BLTP2: variants seen among roughly 807,000 people sequenced by gnomAD.
The protein encoded by BLTP2 is bridge-like lipid transfer protein family member 2.
chr17:28,640,050 A>G, the BLTP2 span: 1 of 1,610,642 alleles, frequency 6.2e-7, no homozygotes. Flanking sequence ...ATTCCAGCTC[A>G]GGAAGATGTG....
At chr17:28,643,545 T>A in the BLTP2 span, 1 of 1,498,528 alleles carries the variant, frequency 6.7e-7, no homozygotes, top group Non-Finnish European at 9.3e-7. Context: ...CAGAAGAGTG[T>A]CACTCTGCAA....
chr17:28,631,595 C>A, the BLTP2 span: 28 of 1,613,934 alleles, frequency 1.7e-5, no homozygotes, highest in Non-Finnish European at 2.2e-5. Context: ...GTGGGTGAGG[C>A]CATCAGGTGA....
At chr17:28,635,063 C>G in the BLTP2 span, 17 of 1,613,506 alleles carry the variant, frequency 1.1e-5, no homozygotes, top group African/African-American at 1.3e-5. Flanking sequence ...TGAACTCCCA[C>G]AGCCTCATCT....
the BLTP2 span, chr17:28,635,255 C>T: frequency 6.2e-7 from 1 of 1,614,184 alleles, no homozygotes; most frequent in South Asian, 1.1e-5. Context: ...CTATTGCCAT[C>T]AAAGCCAGCA....
the BLTP2 span, chr17:28,621,131 A>ACTTGCTGGG: frequency 9.9e-6 from 16 of 1,614,038 alleles, no homozygotes; most frequent in African/African-American, 1.3e-5. Flanking sequence ...GATCCGCTGG[A>ACTTGCTGGG]CTTGCTGGGC....
the BLTP2 span, chr17:28,637,023 G>A: frequency 1.2e-6 from 2 of 1,614,194 alleles, no homozygotes; most frequent in Non-Finnish European, 1.7e-6. Flanking sequence ...GCTGAGCACT[G>A]GGGTAGGGAT....
At chr17:28,637,163 T>C in the BLTP2 span, 2 of 1,613,896 alleles carry the variant, frequency 1.2e-6, no homozygotes, top group Non-Finnish European at 1.7e-6. Context: ...GTCGTACCTC[T>C]GAAGCACCTA....
At chr17:28,641,004 G>A in the BLTP2 span, among the ~76,000 whole-genome samples, 1 of 152,192 alleles carries the variant, frequency 6.6e-6, no homozygotes, top group East Asian at 1.9e-4. Context: ...AACCTTCCTA[G>A]GCTTCAGTTT....
At chr17:28,621,477 G>A in the BLTP2 span, 29 of 1,613,864 alleles carry the variant, frequency 1.8e-5, no homozygotes, top group African/African-American at 4.0e-5. Context: ...CTACGCTGCC[G>A]GTGCTCCTCG....
At chr17:28,623,683 G>C in the BLTP2 span, 2 of 1,241,072 alleles carry the variant, frequency 1.6e-6, no homozygotes, top group Non-Finnish European at 2.3e-6. Flanking sequence ...GCAGGTTACT[G>C]TCAAGAATCT....
At chr17:28,636,430 T>A in the BLTP2 span, among the ~76,000 whole-genome samples, 1 of 152,232 alleles carries the variant, frequency 6.6e-6, no homozygotes, top group Non-Finnish European at 1.5e-5. Flanking sequence ...TAACACCAGA[T>A]CATTCTTTTT....
the BLTP2 span, chr17:28,643,772 G>T: frequency 9.4e-7 from 1 of 1,066,244 alleles, no homozygotes; most frequent in Non-Finnish European, 1.4e-6. Flanking sequence ...TAGCCATGTT[G>T]CCTTGAATCC....
At chr17:28,642,200 G>A in the BLTP2 span, 1 of 1,582,554 alleles carries the variant, frequency 6.3e-7, no homozygotes, top group East Asian at 2.2e-5. Context: ...AAGAACCTAG[G>A]ATGTAAGCCC....
chr17:28,643,669 T>C, the BLTP2 span: 2 of 1,613,834 alleles, frequency 1.2e-6, no homozygotes, highest in Admixed American at 1.7e-5. Context: ...CCTAAAACAG[T>C]GAGGGAGAAA....
the BLTP2 span, chr17:28,640,484 C>A: frequency 6.7e-7 from 1 of 1,485,072 alleles, no homozygotes; most frequent in African/African-American, 1.4e-5. Flanking sequence ...TCAGCAAATA[C>A]TAGGCTGGTT....
chr17:28,620,491 A>G, the BLTP2 span: 1 of 1,613,720 alleles, frequency 6.2e-7, no homozygotes, highest in Non-Finnish European at 8.5e-7. Flanking sequence ...CCAGCATTCT[A>G]CAAGGGCCCA....
At chr17:28,644,967 C>A in the BLTP2 span, 1 of 1,561,492 alleles carries the variant, frequency 6.4e-7, no homozygotes, top group Non-Finnish European at 8.7e-7. Context: ...CCGCCGCCGC[C>A]GGCGCGGCCG....
At chr17:28,644,885 C>T in the BLTP2 span, 3 of 961,362 alleles carry the variant, frequency 3.1e-6, no homozygotes, top group Non-Finnish European at 3.1e-6. Flanking sequence ...CTCTGCCTCA[C>T]GCGCCTCAGT....
the BLTP2 span, chr17:28,640,551 A>G: frequency 1.2e-6 from 2 of 1,614,014 alleles, no homozygotes; most frequent in Non-Finnish European, 8.5e-7. Context: ...GTGTCAGGAG[A>G]GACCTCACCT....
Sources: gnomAD v4.1 joint callset for allele counts (sites outside exome capture counted in the v4.1 genomes callset) on GRCh38, gnomAD v4.1.1 for gene constraint, MANE v1.5 for transcripts, NCBI Gene and HGNC (gene_info 2026-07-23, HGNC 2026-07-21) for gene names.